Variants in KAT6B observed in about 807,000 individuals in gnomAD.
KAT6B encodes lysine acetyltransferase 6B.
A neutral mutation model predicts 187.5 loss-of-function variants in KAT6B; 10 were observed. The ratio of observed to expected loss-of-function variants is 0.05; its 90% CI spans 0.03 to 0.09. The LOEUF (loss-of-function observed/expected upper bound fraction) is 0.09, where lower values mean the gene tolerates loss of function less well. Among genes scored for constraint, KAT6B ranks in the 10% least tolerant of loss-of-function variants. KAT6B has a pLI of 1.00. For missense variants in KAT6B, 1,952 were observed against 2,558.9 expected, an observed-to-expected ratio of 0.76 and a Z score of 5.12; for synonymous variants, 861 against 926.8, an observed-to-expected ratio of 0.93 and a Z score of 1.29.
intron 1 of KAT6B, among the ~76,000 whole-genome samples, chr10:74,837,752 G>T (rs557917542): frequency 6.6e-6 from 1 of 152,044 alleles, no homozygotes; most frequent in East Asian, 1.9e-4. Flanking sequence ...AAAAATTTGC[G>T]GTGGATAATA....
At chr10:74,984,578 A>G (rs964896493) in intron 11 of KAT6B, 1 of 156,008 alleles carries the variant, frequency 6.4e-6, no homozygotes, top group Admixed American at 6.3e-5. Flanking sequence ...TGCTTGGGAT[A>G]AAACCAAAAT....
rs947479600 is a variant in KAT6B, at chr10:75,032,066, A to C, written c.*1020A>C. The C allele has an allele frequency of 4.6e-5, 9 of 195,508 alleles. No homozygotes were observed. The highest frequency in any genetic ancestry group is 4.3e-5 in the Non-Finnish European group (4 of 93,854). The allele number at this position is 195,508 out of a possible 1,614,324, so 12.1% of individuals were successfully genotyped here. ...ACAAATCGCATGTAAAAAAGCAAAAAAGTTATTTGTGTCTGTTTATATTGC... is the reference window on the plus strand; with the variant it reads ...ACAAATCGCATGTAAAAAAGCAAAACAGTTATTTGTGTCTGTTTATATTGC... On this transcript the variant is annotated 3_prime_UTR_variant, in exon 18 of 18. Coordinates refer to ENST00000287239, the MANE Select transcript of KAT6B (RefSeq NM_012330.4).
rs139077433 is a variant in KAT6B at position 74,973,196 on chromosome 10, C to CAT, written c.1061+565_1061+566dup. Among the ~76,000 whole-genome samples, 9 of 152,252 alleles carry CAT rather than the reference C, an allele frequency of 5.9e-5. No homozygotes were observed. In the East Asian group the frequency reaches 1.7e-3, roughly 29 times the overall value. On this transcript the variant is annotated intron_variant, in intron 7 of 17. Transcript: ENST00000287239. ...TATTTGACAACTGCACTAGTGCAGA[C>CAT]ATATATATAAAATAATATATTCGCA...
chr10:74,880,930 C>CTT (rs111285977), intron 3 of KAT6B, among the ~76,000 whole-genome samples: 62 of 144,550 alleles, frequency 4.3e-4, no homozygotes, highest in African/African-American at 1.3e-3. Flanking sequence ...CTTACTCTCT[C>CTT]TTTTTTTTTT....
At chr10:74,963,238 T>A (rs1380876736) in intron 4 of KAT6B, among the ~76,000 whole-genome samples, 2 of 152,244 alleles carry the variant, frequency 1.3e-5, no homozygotes, top group Non-Finnish European at 2.9e-5. Context: ...AAATTAACAC[T>A]GTTATATTCT....
intron 3 of KAT6B, among the ~76,000 whole-genome samples, chr10:74,925,008 T>C (rs1018577699): frequency 6.6e-6 from 1 of 152,188 alleles, no homozygotes; most frequent in Non-Finnish European, 1.5e-5. Context: ...GAGGAGACCT[T>C]TTAGTCTCTG....
chr10:74,900,677 G>A (rs1456182766), intron 3 of KAT6B, among the ~76,000 whole-genome samples: 1 of 152,260 alleles, frequency 6.6e-6, no homozygotes, highest in Non-Finnish European at 1.5e-5. Context: ...AAGGACTAGC[G>A]AGGTTCCCAG....
rs1431653118 is a variant in KAT6B, at chr10:74,939,026, C to T, written c.622-20944C>T. On this transcript the variant is annotated intron_variant, in intron 3 of 17. Coordinates refer to ENST00000287239, the MANE Select transcript of KAT6B (RefSeq NM_012330.4). ...TGTTGGGATTACAGGTGTGAGCTGC[C>T]GTGCCCAGCCCCTTTATTTTCTTAA... Among the ~76,000 whole-genome samples, 8 of 151,032 alleles carry T rather than the reference C, an allele frequency of 5.3e-5. No homozygotes were observed. The East Asian group carries it at 7.8e-4, about 15-fold the overall frequency.
At chr10:74,955,852 C>T (rs1564586707) in intron 3 of KAT6B, among the ~76,000 whole-genome samples, 1 of 152,052 alleles carries the variant, frequency 6.6e-6, no homozygotes, top group Non-Finnish European at 1.5e-5. Context: ...GTCCAGAATC[C>T]AACCACGGAT....
intron 3 of KAT6B, among the ~76,000 whole-genome samples, chr10:74,952,644 A>G (rs961532033): frequency 6.6e-6 from 1 of 151,976 alleles, no homozygotes; most frequent in Non-Finnish European, 1.5e-5. Flanking sequence ...TTCACATTTC[A>G]GTACAGTGTA....
chr10:74,920,401 A>T (rs1055363894), intron 3 of KAT6B, among the ~76,000 whole-genome samples: 5 of 152,156 alleles, frequency 3.3e-5, no homozygotes, highest in African/African-American at 1.2e-4. Context: ...CCCATGATAA[A>T]AGTGGCTCTG....
At chr10:74,904,478 C>A (rs1307067826) in intron 3 of KAT6B, among the ~76,000 whole-genome samples, 1 of 152,238 alleles carries the variant, frequency 6.6e-6, no homozygotes, top group South Asian at 2.1e-4. Flanking sequence ...ATCTCCCACA[C>A]ACTTTTGGTC....
chr10:74,844,750 T>G (rs553847991), intron 3 of KAT6B, among the ~76,000 whole-genome samples: 2 of 152,358 alleles, frequency 1.3e-5, no homozygotes, highest in South Asian at 4.1e-4. Flanking sequence ...TTTGTCTTTG[T>G]TTCAAAGCTA....
intron 3 of KAT6B, among the ~76,000 whole-genome samples, chr10:74,906,720 T>C (rs1330796594): frequency 6.6e-6 from 1 of 152,228 alleles, no homozygotes; most frequent in Non-Finnish European, 1.5e-5. Context: ...CGTGAAAACC[T>C]GAGCTTGGGA....
chr10:74,984,060 C>T (rs1842681132), intron 11 of KAT6B: 4 of 152,060 alleles, frequency 2.6e-5, no homozygotes. Flanking sequence ...AATATACTAC[C>T]ATTTCCAAAA....
intron 13 of KAT6B, among the ~76,000 whole-genome samples, chr10:75,006,513 C>T (rs900297958): frequency 6.6e-6 from 1 of 152,106 alleles, no homozygotes; most frequent in Admixed American, 6.5e-5. Context: ...TGCAGTGGTG[C>T]GATCTCAGCT....
At chr10:74,948,941 G>A (rs113061283) in intron 3 of KAT6B, among the ~76,000 whole-genome samples, 18 of 152,062 alleles carry the variant, frequency 1.2e-4, no homozygotes, top group African/African-American at 4.3e-4. Context: ...CATCCTTGTC[G>A]ATTTTTGTAT....
At chr10:74,862,517 T>C (rs1843252932) in intron 3 of KAT6B, among the ~76,000 whole-genome samples, 2 of 152,206 alleles carry the variant, frequency 1.3e-5, no homozygotes, top group South Asian at 2.1e-4. Context: ...ATTAGAACTT[T>C]TTGAAGTTTC....
chr10:74,830,843 A>AGTGGC (rs1338885874), intron 1 of KAT6B, among the ~76,000 whole-genome samples: 1 of 118,892 alleles, frequency 8.4e-6, no homozygotes, highest in East Asian at 2.9e-4. Context: ...GCTGGAGTGC[A>AGTGGC]GTGGCGTGAT....
Sources: allele counts gnomAD v4.1 joint callset (sites outside exome capture counted in the v4.1 genomes callset), GRCh38; gene constraint gnomAD v4.1.1; transcripts MANE v1.5; gene names NCBI Gene and HGNC (gene_info 2026-07-23, HGNC 2026-07-21).